Variants in PPFIBP1 observed in about 807,000 individuals in gnomAD.
PPFIBP1 encodes liprin-beta-1.
Under a neutral mutation model 137.8 loss-of-function variants are expected in PPFIBP1, and 112 were observed. The observed-to-expected ratio is 0.81, with a 90% CI of 0.70 to 0.95. The LOEUF (loss-of-function observed/expected upper bound fraction) is 0.95, where lower values mean the gene tolerates loss of function less well. PPFIBP1 is among the 40% of genes least tolerant of loss of function. PPFIBP1 has a pLI of 0.00. For missense variants in PPFIBP1, 1,083 were observed against 1,196.6 expected (o/e 0.91, Z 1.40); for synonymous variants, 378 against 417.3 (o/e 0.91, Z 1.15).
chr12:27,694,213 C>T lies in PPFIBP1; in HGVS notation c.*1331C>T, dbSNP rs1392091832. ...TTTTTTTGTAGAAACAGGGTCTCAC[C>T]ATGTTGTCCAGCCTGGTCTCAAACT... On this transcript the variant is annotated 3_prime_UTR_variant, in exon 30 of 30. Coordinates refer to ENST00000228425, the MANE Select transcript of PPFIBP1 (RefSeq NM_003622.4). 6.6e-6 allele frequency: 1 copy of T among 150,808 alleles called. No homozygotes were observed. The allele number at this position is 150,808 out of a possible 1,614,324, so 9.3% of individuals were successfully genotyped here.
At chr12:27,593,656 T>C (rs1204595808) in intron 2 of PPFIBP1, 1 of 528,496 alleles carries the variant, frequency 1.9e-6, no homozygotes, top group Non-Finnish European at 3.5e-6. Flanking sequence ...TTCAGTTTGC[T>C]GACAGATAGT....
In PPFIBP1 at chr12:27,580,475, C is replaced by A. The variant is rs184291265; in HGVS notation, c.-36+2236C>A. ...AAATCTCCGCCTCTAAGATTCCCCC[C>A]AAATCTGCTGTAACAATTGACTACA... On this transcript the variant is annotated intron_variant, in intron 2 of 29. Coordinates refer to ENST00000228425, the MANE Select transcript of PPFIBP1 (RefSeq NM_003622.4). Among the ~76,000 whole-genome samples the A allele has an allele frequency of 2.7e-3, 405 of 152,258 alleles. 1 individual carries two copies. Among genetic ancestry groups the A allele is most frequent in the African/African-American group, 9.0e-3 (373 of 41,538 alleles).
rs780378634 is a variant in PPFIBP1 at position 27,633,401 on chromosome 12, T to A, written c.5T>A (p.Met2Lys). Reference sequence around the variant, plus strand: ...TTGCCCCTGACAAATAATAAAATGATGAGTGATGCAAGTGACATGTTGGCT... The same window carrying A: ...TTGCCCCTGACAAATAATAAAATGAAGAGTGATGCAAGTGACATGTTGGCT... M[M>K]SDASDMLAAA... is the part of the protein sequence containing the mutation. Residue 2 changes from methionine (M) to lysine (K), a missense_variant, in exon 3 of 30, where the codon ATG becomes AAG. Coordinates refer to ENST00000228425, the MANE Select transcript of PPFIBP1 (RefSeq NM_003622.4). 1 of 1,613,902 alleles carries A rather than the reference T, an allele frequency of 6.2e-7. No individual in the cohort carries two copies. The highest frequency in any genetic ancestry group is 8.5e-7 in the Non-Finnish European group (1 of 1,179,952).
chr12:27,646,396 G>A, intron 5 of PPFIBP1: 1 of 473,406 alleles, frequency 2.1e-6, no homozygotes, highest in Non-Finnish European at 3.9e-6. Flanking sequence ...GCACAATGTT[G>A]TCTGATCTGT....
intron 1 of PPFIBP1, among the ~76,000 whole-genome samples, 175 bp downstream of exon 1, chr12:27,524,540 C>A (rs1460430433): frequency 6.6e-6 from 1 of 151,806 alleles, no homozygotes; most frequent in Non-Finnish European, 1.5e-5. Context: ...AGGGGTAGGG[C>A]TTAACTCCTG....
At chr12:27,584,875 C>T (rs1290873699) in intron 2 of PPFIBP1, among the ~76,000 whole-genome samples, 1 of 152,180 alleles carries the variant, frequency 6.6e-6, no homozygotes, top group South Asian at 2.1e-4. Context: ...GGCACCTCAG[C>T]AAGTGAATGA....
intron 2 of PPFIBP1, among the ~76,000 whole-genome samples, chr12:27,607,645 C>T (rs1222943422): frequency 1.3e-5 from 2 of 152,158 alleles, no homozygotes; most frequent in African/African-American, 4.8e-5. Context: ...CTGGGGGCCA[C>T]ACTTTGAGAC....
chr12:27,598,199 A>T (rs2137606171), intron 2 of PPFIBP1, among the ~76,000 whole-genome samples: 1 of 152,238 alleles, frequency 6.6e-6, no homozygotes, highest in South Asian at 2.1e-4. Context: ...CATACCCAAG[A>T]CTGGGTAATG....
At chr12:27,536,360 C>T (rs1183516921) in intron 1 of PPFIBP1, among the ~76,000 whole-genome samples, 2 of 152,198 alleles carry the variant, frequency 1.3e-5, no homozygotes, top group African/African-American at 4.8e-5. Flanking sequence ...GCTCACGGTT[C>T]TGCAGGCTGT....
At chr12:27,589,628 G>A (rs1403021494) in intron 2 of PPFIBP1, among the ~76,000 whole-genome samples, 1 of 152,174 alleles carries the variant, frequency 6.6e-6, no homozygotes, top group Non-Finnish European at 1.5e-5. Context: ...CTGCCAAGCA[G>A]GTTTATGAAA....
At chr12:27,577,970 A>G (rs185740633) in intron 1 of PPFIBP1, among the ~76,000 whole-genome samples, 182 bp from the exon 2 acceptor site, 3 of 152,312 alleles carry the variant, frequency 2.0e-5, no homozygotes, top group Admixed American at 2.0e-4. Context: ...ACGGGGAAGA[A>G]GGAAGAAGGA....
chr12:27,643,030 T>A (rs773080119), intron 4 of PPFIBP1, among the ~76,000 whole-genome samples: 30 of 151,944 alleles, frequency 2.0e-4, no homozygotes, highest in Non-Finnish European at 3.8e-4. Context: ...TTACAAAGGC[T>A]CTGAGATCAG....
chr12:27,547,410 T>G (rs984060290), intron 1 of PPFIBP1: 3 of 152,254 alleles, frequency 2.0e-5, no homozygotes, highest in Non-Finnish European at 4.4e-5. Flanking sequence ...ACGAGTATTT[T>G]TCAAAGACGG....
In PPFIBP1 at chr12:27,626,746, A is replaced by G. The variant is rs148391617; in HGVS notation, c.-35-6616A>G. Among the ~76,000 whole-genome samples the G allele has an allele frequency of 1.6e-4, 24 of 152,136 alleles. No individual in the cohort carries two copies. The East Asian group carries it at 4.3e-3, about 27-fold the overall frequency. Reference sequence around the variant, plus strand: ...CACACCCAGCTAATTTTTTATTTTTAGTAGAGGTGGGATTTCACCATGTTG... The same window carrying G: ...CACACCCAGCTAATTTTTTATTTTTGGTAGAGGTGGGATTTCACCATGTTG... On this transcript the variant is annotated intron_variant, in intron 2 of 29. Transcript: ENST00000228425.
intron 12 of PPFIBP1, 58 bp downstream of exon 12, chr12:27,664,504 T>A: frequency 8.3e-7 from 1 of 1,202,248 alleles, no homozygotes; most frequent in Non-Finnish European, 1.2e-6. Flanking sequence ...GCTATAAACT[T>A]ACACATTTGG....
In PPFIBP1 at chr12:27,526,326, ACT is replaced by A. The variant is rs201728149; in HGVS notation, c.-124+1964_-124+1965del. Among the ~76,000 whole-genome samples, 1,200 of 152,232 alleles carry A rather than the reference ACT, an allele frequency of 7.9e-3. 16 individuals are homozygous for A. Among genetic ancestry groups the A allele is most frequent in the African/African-American group, 0.028 (1,155 of 41,528 alleles). ...AGTTTAGGGACTTGAATATACCAAA[ACT>A]CTAAATTTGATTCACAGTTTGAATA... is the stretch of plus-strand genomic sequence containing the variant. On this transcript the variant is annotated intron_variant, in intron 1 of 29. Coordinates refer to ENST00000228425, the MANE Select transcript of PPFIBP1 (RefSeq NM_003622.4).
intron 2 of PPFIBP1, among the ~76,000 whole-genome samples, chr12:27,632,035 T>G (rs2057306689): frequency 6.6e-6 from 1 of 152,094 alleles, no homozygotes; most frequent in Admixed American, 6.5e-5. Context: ...CCTTGTTTCC[T>G]GGGTAACCAT....
intron 4 of PPFIBP1, among the ~76,000 whole-genome samples, chr12:27,643,511 C>T (rs2139367371): frequency 7.5e-6 from 1 of 134,136 alleles, no homozygotes; most frequent in African/African-American, 3.1e-5. Context: ...ACAGACCAAG[C>T]CCTGATAGAG....
intron 1 of PPFIBP1, among the ~76,000 whole-genome samples, chr12:27,541,036 A>G (rs1358747219): frequency 1.3e-5 from 2 of 152,136 alleles, no homozygotes; most frequent in African/African-American, 4.8e-5. Flanking sequence ...AGGCTAATCT[A>G]TTGATTGTCT....
Sources: allele counts gnomAD v4.1 joint callset (sites outside exome capture counted in the v4.1 genomes callset), GRCh38; gene constraint gnomAD v4.1.1; transcripts MANE v1.5; gene names NCBI Gene and HGNC (gene_info 2026-07-23, HGNC 2026-07-21).